DGKG: variants seen among roughly 807,000 people sequenced by gnomAD.
DGKG encodes the protein DAG kinase gamma.
In DGKG, 78 loss-of-function variants were observed where a neutral mutation model predicts 105.3. That is an observed-to-expected ratio of 0.74 (90% CI 0.62 to 0.89). DGKG has a LOEUF of 0.89. Among genes scored for constraint, DGKG ranks in the 40% least tolerant of loss-of-function variants. The pLI, the probability that DGKG is intolerant of heterozygous loss-of-function variation, is 0.00. For missense variants in DGKG, 958 were observed against 1,020.1 expected (o/e 0.94, Z 0.83); for synonymous variants, 346 against 367.1 (o/e 0.94, Z 0.66).
At chr3:186,221,363 A>C (rs1443411939) in intron 20 of DGKG, among the ~76,000 whole-genome samples, 1 of 152,168 alleles carries the variant, frequency 6.6e-6, no homozygotes, top group African/African-American at 2.4e-5. Context: ...AAAGAAAGAA[A>C]AAACCCTCAC....
rs773460746 is a variant in DGKG at position 186,211,783 on chromosome 3, T to C, written c.1917+12A>G. ...AAGATCCAGGAAGCCTTCTCCCCACTTGGGAACTTACCTCCAACTCAATGT... is the reference window on the plus strand; with the variant it reads ...AAGATCCAGGAAGCCTTCTCCCCACCTGGGAACTTACCTCCAACTCAATGT... On this transcript the variant is annotated intron_variant, in intron 21 of 24. Transcript: ENST00000265022. 5.0e-6 allele frequency: 8 copies of C among 1,610,492 alleles called. No homozygotes were observed. The highest frequency in any genetic ancestry group is 6.8e-6 in the Non-Finnish European group (8 of 1,176,640).
intron 14 of DGKG, among the ~76,000 whole-genome samples, chr3:186,263,202 C>T (rs1428689042): frequency 6.6e-6 from 1 of 152,160 alleles, no homozygotes; most frequent in Non-Finnish European, 1.5e-5. Flanking sequence ...TGCTTATCCT[C>T]AGGGCTCAAT....
chr3:186,162,101 G>C (rs1472049973), intron 23 of DGKG, among the ~76,000 whole-genome samples: 1 of 152,208 alleles, frequency 6.6e-6, no homozygotes, highest in Admixed American at 6.5e-5. Flanking sequence ...TCTCCATGTT[G>C]GTCAAGCTGG....
intron 3 of DGKG, among the ~76,000 whole-genome samples, chr3:186,299,847 T>TCTTTCTCTC (rs1723833200): frequency 7.5e-6 from 1 of 132,944 alleles, no homozygotes; most frequent in African/African-American, 2.7e-5. Flanking sequence ...CTTTTTTTTT[T>TCTTTCTCTC]TTTTTGAGAT....
intron 18 of DGKG, among the ~76,000 whole-genome samples, chr3:186,252,835 A>C (rs528290548): frequency 1.8e-4 from 28 of 152,280 alleles, no homozygotes; most frequent in Non-Finnish European, 3.8e-4. Flanking sequence ...GCAGGCTCTA[A>C]GTTGATGGTT....
chr3:186,357,797 A>T (rs1727044920), intron 1 of DGKG, among the ~76,000 whole-genome samples: 1 of 152,244 alleles, frequency 6.6e-6, no homozygotes, highest in Admixed American at 6.5e-5. Flanking sequence ...CTTTGCTTGC[A>T]CCAAGCTTAC....
chr3:186,158,523 A>G, intron 24 of DGKG: 2 of 964,852 alleles, frequency 2.1e-6, no homozygotes, highest in Non-Finnish European at 2.5e-6. Flanking sequence ...GTCAAAGAAA[A>G]TGACCTTTAT....
At chr3:186,295,637 G>GAAA (rs1404870416) in intron 5 of DGKG, among the ~76,000 whole-genome samples, 1 of 23,294 alleles carries the variant, frequency 4.3e-5, no homozygotes, top group African/African-American at 1.6e-4. Flanking sequence ...ATAATGCACA[G>GAAA]TAAAAAAAAA....
chr3:186,230,638 T>C (rs771098878), intron 20 of DGKG, among the ~76,000 whole-genome samples: 2 of 152,008 alleles, frequency 1.3e-5, no homozygotes, highest in Admixed American at 1.3e-4. Context: ...GGGAGACTAA[T>C]GGGCAGCTCC....
intron 22 of DGKG, among the ~76,000 whole-genome samples, chr3:186,177,566 C>T (rs528970717): frequency 3.3e-5 from 5 of 152,272 alleles, no homozygotes; most frequent in South Asian, 2.1e-4. Context: ...AATATTAACA[C>T]GATTGTTCTA....
At chr3:186,322,322 G>A (rs1725117858) in intron 1 of DGKG, among the ~76,000 whole-genome samples, 1 of 152,060 alleles carries the variant, frequency 6.6e-6, no homozygotes, top group Non-Finnish European at 1.5e-5. Flanking sequence ...AACTAATACA[G>A]GAACAGAAAT....
intron 7 of DGKG, among the ~76,000 whole-genome samples, chr3:186,282,610 T>A (rs138352011): frequency 1.3e-5 from 2 of 152,112 alleles, no homozygotes; most frequent in African/African-American, 4.8e-5. Context: ...CCTCCTGGGT[T>A]CAAGTGATTC....
chr3:186,251,793 T>C lies in DGKG; in HGVS notation c.1727A>G (p.Tyr576Cys). ...GGAGAAATAGTTGTTCATGATGCTG[T>C]ATGGGACCTGGTCCCCGTTTTCCAC... is the stretch of plus-strand genomic sequence containing the variant. ...EEVENGDQVP[Y>C]SIMNNYFSIG... Residue 576 changes from tyrosine (Y) to cysteine (C), a missense_variant, in exon 19 of 25, where the codon TAC becomes TGC. Transcript: ENST00000265022. 1 of 1,614,184 alleles carries C rather than the reference T, an allele frequency of 6.2e-7. No homozygotes were observed. The highest frequency in any genetic ancestry group is 8.5e-7 in the Non-Finnish European group (1 of 1,180,016).
intron 23 of DGKG, among the ~76,000 whole-genome samples, chr3:186,164,643 C>T (rs1716449353): frequency 6.6e-6 from 1 of 152,190 alleles, no homozygotes; most frequent in Non-Finnish European, 1.5e-5. Flanking sequence ...TCTTATACTC[C>T]TGTTTAGAGA....
Position 186,282,370 on chromosome 3 carries a change from T to C in DGKG, c.595-1626A>G, listed in dbSNP as rs180672533. 3.1e-3 allele frequency among the ~76,000 whole-genome samples: 476 copies of C among 152,354 alleles called. 1 individual carries two copies. Among genetic ancestry groups the C allele is most frequent in the Middle Eastern group, 0.01 (3 of 294 alleles). ...ATATGACAGGGATTCCGGTGAAAGG[T>C]TGAATCAGATAACTCTTTTGAGATT... On this transcript the variant is annotated intron_variant, in intron 7 of 24. Transcript: ENST00000265022.
At chr3:186,194,310 T>G (rs1718064022) in intron 21 of DGKG, among the ~76,000 whole-genome samples, 1 of 152,180 alleles carries the variant, frequency 6.6e-6, no homozygotes, top group South Asian at 2.1e-4. Context: ...ATCACAGAAT[T>G]CTAGGCAGAG....
intron 2 of DGKG, among the ~76,000 whole-genome samples, chr3:186,308,571 C>T (rs1404061827): frequency 1.3e-5 from 2 of 152,116 alleles, no homozygotes; most frequent in African/African-American, 2.4e-5. Flanking sequence ...CATGGCTTTG[C>T]TGACTTGGAT....
chr3:186,308,047 T>C (rs1197911702), intron 2 of DGKG, among the ~76,000 whole-genome samples: 1 of 152,188 alleles, frequency 6.6e-6, no homozygotes, highest in African/African-American at 2.4e-5. Context: ...AAGATTTTCC[T>C]CTGAAAGTTG....
intron 1 of DGKG, among the ~76,000 whole-genome samples, chr3:186,334,074 C>T (rs1162568409): frequency 6.6e-6 from 1 of 152,156 alleles, no homozygotes; most frequent in African/African-American, 2.4e-5. Context: ...TTCTCTAATT[C>T]TCCTTTCCTT....
Sources: allele counts gnomAD v4.1 joint callset (sites outside exome capture counted in the v4.1 genomes callset), GRCh38; gene constraint gnomAD v4.1.1; transcripts MANE v1.5; gene names NCBI Gene and HGNC (gene_info 2026-07-23, HGNC 2026-07-21).